SPPL2B: variants seen among roughly 807,000 people sequenced by gnomAD.
The protein encoded by SPPL2B is signal peptide peptidase-like 2B.
SPPL2B carries 39 observed loss-of-function variants against 59.7 expected under a neutral mutation model. That is an observed-to-expected ratio of 0.65 (90% confidence interval 0.51 to 0.85). SPPL2B has a LOEUF of 0.85. SPPL2B is among the 40% of genes least tolerant of loss of function. The pLI is 0.00. For missense variants in SPPL2B, 865 were observed against 849.0 expected (o/e 1.02, Z -0.23); for synonymous variants, 419 against 370.8 (o/e 1.13, Z -1.49).
chr19:2,340,055 C>T, intron 6 of SPPL2B, 21 bp from the exon 7 acceptor site: 1 of 1,580,560 alleles, frequency 6.3e-7, no homozygotes, highest in Admixed American at 1.8e-5. Context: ...GGCCCCCGGC[C>T]TCACGGCCCT....
At chr19:2,341,532 C>T (rs544083758) in intron 8 of SPPL2B, 1 of 448,888 alleles carries the variant, frequency 2.2e-6, no homozygotes, top group Admixed American at 2.4e-5. Flanking sequence ...GGGCCTCCCC[C>T]ATGAGGCCGA....
chr19:2,353,249 A>C lies in SPPL2B; in HGVS notation c.*40A>C, dbSNP rs770618440. 13 of 1,563,938 alleles carry C rather than the reference A, an allele frequency of 8.3e-6. No homozygotes were observed. The African/African-American group carries it at 1.5e-4, about 18-fold the overall frequency. ...GCTCGCTGCCGTGCCCGCCACACCA[A>C]GATGTTGGGGCTGCCTGGCGCCCAC... On this transcript the variant is annotated 3_prime_UTR_variant, in exon 15 of 15. Transcript: ENST00000613503.
chr19:2,340,017 G>T (rs577983110), intron 6 of SPPL2B, 51 bp downstream of exon 6: 3 of 1,556,162 alleles, frequency 1.9e-6, no homozygotes, highest in East Asian at 2.4e-5. Context: ...AGCCCGCCCC[G>T]TGCGGAGGGA....
At chr19:2,335,222 C>A (rs542198863) in intron 2 of SPPL2B, among the ~76,000 whole-genome samples, 118 of 136,568 alleles carry the variant, frequency 8.6e-4, no homozygotes, top group African/African-American at 2.8e-3. Flanking sequence ...CTTTCCACTG[C>A]ATCCTTCAGG....
At chr19:2,336,906 T>C (rs73520574) in intron 2 of SPPL2B, among the ~76,000 whole-genome samples, 9,897 of 147,924 alleles carry the variant, frequency 0.067, 1,074 homozygotes, top group African/African-American at 0.23. Context: ...TGGGTGTGTG[T>C]GTGTGTGTGC....
Position 2,338,737 on chromosome 19 carries a change from C to T in SPPL2B, c.370-15C>T. 6.2e-7 allele frequency: 1 copy of T among 1,602,368 alleles called. No individual in the cohort carries two copies. Among genetic ancestry groups the T allele is most frequent in the East Asian group, 2.2e-5 (1 of 44,794 alleles). ...CTGCGGGTGATGCCTGCCGCTCCCT[C>T]CTCTGGGCCCCCAGGTCCCCCCGGG... On this transcript the variant is annotated splice_polypyrimidine_tract_variant and intron_variant, in intron 3 of 14. Transcript: ENST00000613503.
chr19:2,334,541 T>C, intron 1 of SPPL2B, 61 bp from the exon 2 acceptor site: 1 of 1,547,992 alleles, frequency 6.5e-7, no homozygotes. Flanking sequence ...CTGTTTCTCG[T>C]GGGGCGGTGC....
At position 2,334,667 on chromosome 19, in the gene SPPL2B, C is replaced by A; in HGVS notation, c.132C>A (p.Tyr44Ter). The A allele has an allele frequency of 1.2e-6, 2 of 1,613,088 alleles. No homozygotes were observed. Among genetic ancestry groups the A allele is most frequent in the Non-Finnish European group, 1.7e-6 (2 of 1,179,504 alleles). The change falls in exon 2 of 15, where the codon TAC becomes TAA. Residue 44 changes from tyrosine (Y) to a stop codon, truncating the protein, a stop_gained. Transcript: ENST00000613503. LOFTEE classifies it high-confidence loss of function. ...SQAGGPEGKDYCILYNPQWAH... is the reference protein window; with the variant it reads ...SQAGGPEGKD Reference sequence around the variant, plus strand: ...CCGGGGGCCCCGAAGGCAAAGACTACTGCATCCTCTACAACCCGCAGTGGG... The same window carrying A: ...CCGGGGGCCCCGAAGGCAAAGACTAATGCATCCTCTACAACCCGCAGTGGG...
chr19:2,352,955 C>T lies in SPPL2B; in HGVS notation c.1525C>T (p.Pro509Ser), dbSNP rs773515976. The T allele has an allele frequency of 9.9e-6, 16 of 1,612,064 alleles. No homozygotes were observed. The highest frequency in any genetic ancestry group is 1.3e-5 in the African/African-American group (1 of 74,890). The part of the protein sequence containing the change: ...WTGSGFAKVL[P>S]PSPWAPAPAD... ...CTCCCTTCTCCTGTAGAAAGTCCTA[C>T]CTCCATCTCCGTGGGCCCCAGCACC... is the stretch of plus-strand genomic sequence containing the variant. Residue 509 changes from proline to serine, a missense_variant, in exon 15 of 15, where the codon CCT becomes TCT. Physicochemically the swap from Pro to Ser is moderately conservative, Grantham distance 74. Coordinates refer to ENST00000613503, the MANE Select transcript of SPPL2B (RefSeq NM_152988.3).
chr19:2,342,761 G>T (rs890130869), intron 8 of SPPL2B: 3 of 183,288 alleles, frequency 1.6e-5, no homozygotes, highest in East Asian at 1.3e-4. Context: ...ACAGCGTGAC[G>T]CCCACCATCC....
chr19:2,339,778 C>CGGCCAGCCGGCCCCAG, intron 5 of SPPL2B, 46 bp from the exon 6 acceptor site: 1 of 1,583,948 alleles, frequency 6.3e-7, no homozygotes, highest in Non-Finnish European at 8.6e-7. Flanking sequence ...AGCCCCGTGT[C>CGGCCAGCCGGCCCCAG]GGCCAGCCGG....
chr19:2,351,640 G>A, intron 14 of SPPL2B, 46 bp downstream of exon 14: 5 of 1,568,202 alleles, frequency 3.2e-6, no homozygotes, highest in South Asian at 1.2e-5. Flanking sequence ...CGCCTAGTGA[G>A]CCCTAACTAG....
chr19:2,351,372 C>T, intron 13 of SPPL2B, 62 bp from the exon 14 acceptor site: 1 of 1,387,182 alleles, frequency 7.2e-7, no homozygotes, highest in Non-Finnish European at 9.9e-7. Context: ...ACGTTCTTCC[C>T]AGGGAAATGG....
Position 2,343,246 on chromosome 19 carries a change from C to T in SPPL2B, c.992C>T (p.Ala331Val), listed in dbSNP as rs1969161577. Residue 331 changes from alanine to valine, a missense_variant, in exon 9 of 15, where the codon GCC (alanine) becomes GTC (valine). By Grantham distance (64) the Ala-to-Val change is moderately conservative. Transcript: ENST00000613503. ...GTCCTCCAGGATGCCCTGGGCATCGCCTTCTGCCTCTACATGCTGAAGACC... is the reference window on the plus strand; with the variant it reads ...GTCCTCCAGGATGCCCTGGGCATCGTCTTCTGCCTCTACATGCTGAAGACC... ...AWVLQDALGI[A>V]FCLYMLKTIR... 1.3e-6 allele frequency: 2 copies of T among 1,556,588 alleles called. No homozygotes were observed. Among genetic ancestry groups the T allele is most frequent in the East Asian group, 4.8e-5 (2 of 41,442 alleles).
intron 1 of SPPL2B, 109 bp from the exon 2 acceptor site, chr19:2,334,493 T>C (rs911587960): frequency 1.4e-6 from 2 of 1,431,130 alleles, no homozygotes; most frequent in African/African-American, 1.4e-5. Flanking sequence ...CTGGTGAACA[T>C]GGGCGCCCTT....
At position 2,353,613 on chromosome 19, in the gene SPPL2B, A is replaced by G. The variant is rs1337041059; in HGVS notation, c.*404A>G. 2 of 194,604 alleles carry G rather than the reference A, an allele frequency of 1.0e-5. No individual in the cohort carries two copies. The highest frequency in any genetic ancestry group is 2.0e-3 in the Middle Eastern group (1 of 492). The allele number at this position is 194,604 out of a possible 1,614,324, so 12.1% of individuals were successfully genotyped here. On this transcript the variant is annotated 3_prime_UTR_variant, in exon 15 of 15. Coordinates refer to ENST00000613503, the MANE Select transcript of SPPL2B (RefSeq NM_152988.3). Reference sequence around the variant, plus strand: ...CGGCCTTCAGGTGACCTCCCTCCCCACGGCATCCTGCTCTCCGGGTGGAAG... The same window carrying G: ...CGGCCTTCAGGTGACCTCCCTCCCCGCGGCATCCTGCTCTCCGGGTGGAAG...
chr19:2,351,303 C>A (rs1969910537), intron 13 of SPPL2B, 131 bp from the exon 14 acceptor site: 2 of 713,256 alleles, frequency 2.8e-6, no homozygotes, highest in Middle Eastern at 8.1e-4. Flanking sequence ...CCGGCTGAAC[C>A]CCCACTGTAC....
At position 2,335,702 on chromosome 19, in the gene SPPL2B, C is replaced by T. The variant is rs1227327897; in HGVS notation, c.186+981C>T. On this transcript the variant is annotated intron_variant, in intron 2 of 14. Transcript: ENST00000613503. ...TTTCCCACCGTATCCCTCAGGCCCT[C>T]TCTCCTTTCCCACCGCATCCCTCAG... is the stretch of plus-strand genomic sequence containing the variant. Among the ~76,000 whole-genome samples, 4 of 125,608 alleles carry T rather than the reference C, an allele frequency of 3.2e-5. No homozygotes were observed. The East Asian group carries it at 1.1e-3, about 34-fold the overall frequency. 82.4% of individuals were successfully genotyped at this position (125,608 alleles called of 152,430 possible).
At position 2,351,568 on chromosome 19, in the gene SPPL2B, G is replaced by A. The variant is rs372778976; in HGVS notation, c.1489G>A (p.Val497Met). 449 of 1,611,126 alleles carry A rather than the reference G, an allele frequency of 2.8e-4. 6 individuals carry two copies. The South Asian group carries it at 3.6e-3, about 13-fold the overall frequency. Residue 497 changes from valine (V) to methionine (M), a missense_variant, in exon 14 of 15, where the codon GTG becomes ATG. Coordinates refer to ENST00000613503, the MANE Select transcript of SPPL2B (RefSeq NM_152988.3). ...GGCGCTCTGGCGCCGGGAGCTGGGC[G>A]TGTTCTGGACGGGCAGCGGCTTTGC... ...AVALWRRELG[V>M]FWTGSGFAKV...
Sources: allele counts gnomAD v4.1 joint callset (sites outside exome capture counted in the v4.1 genomes callset), GRCh38; gene constraint gnomAD v4.1.1; transcripts MANE v1.5; gene names NCBI Gene and HGNC (gene_info 2026-07-23, HGNC 2026-07-21).